Variants in SLC48A1 observed in about 807,000 individuals in gnomAD.
SLC48A1 encodes the protein solute carrier family 48 member 1.
Under a neutral mutation model 14.8 loss-of-function variants are expected in SLC48A1, and 6 were observed. The observed-to-expected ratio is 0.41, with a 90% CI of 0.22 to 0.80. The LOEUF (loss-of-function observed/expected upper bound fraction) is 0.80. Ranked by LOEUF, SLC48A1 falls within the 30% of genes least tolerant of loss-of-function variation. The pLI, the probability that SLC48A1 is intolerant of heterozygous loss-of-function variation, is 0.34. For missense variants in SLC48A1, 165 were observed against 204.8 expected, an observed-to-expected ratio of 0.81 and a Z score of 1.19; for synonymous variants, 89 against 90.0, an observed-to-expected ratio of 0.99 and a Z score of 0.06.
At chr12:47,760,634 G>A (rs540603838) in intron 2 of SLC48A1, among the ~76,000 whole-genome samples, 2 of 152,228 alleles carry the variant, frequency 1.3e-5, no homozygotes, top group Admixed American at 6.5e-5. Flanking sequence ...AATCATGTGC[G>A]GGCACTCTTT....
chr12:47,764,404 C>T (rs1318495923), intron 2 of SLC48A1, among the ~76,000 whole-genome samples: 1 of 152,254 alleles, frequency 6.6e-6, no homozygotes, highest in East Asian at 1.9e-4. Context: ...CATCTTCCAA[C>T]TCATCCCAGG....
At chr12:47,774,975 G>A (rs1942711097) in intron 1 of SLC48A1, among the ~76,000 whole-genome samples, 3 of 152,162 alleles carry the variant, frequency 2.0e-5, no homozygotes, top group South Asian at 2.1e-4. Context: ...ATTGCATTGC[G>A]AAGACCGAAG....
upstream of SLC48A1, among the ~76,000 whole-genome samples, chr12:47,756,765 T>TC (rs1327388877): frequency 6.6e-6 from 1 of 151,962 alleles, no homozygotes; most frequent in Non-Finnish European, 1.5e-5. Context: ...GGTCAAGCGA[T>TC]CAAGACCATC....
intron 2 of SLC48A1, 125 bp from the exon 3 acceptor site, chr12:47,780,020 G>T: frequency 8.3e-7 from 1 of 1,211,866 alleles, no homozygotes; most frequent in Non-Finnish European, 1.1e-6. Flanking sequence ...CTTTCTGAAG[G>T]GTTGGTTCAG....
chr12:47,773,722 C>T (rs1191801591), intron 1 of SLC48A1, among the ~76,000 whole-genome samples: 1 of 152,208 alleles, frequency 6.6e-6, no homozygotes, highest in Non-Finnish European at 1.5e-5. Flanking sequence ...TTATCTGTCA[C>T]GGCACACTGC....
At chr12:47,756,358 G>A (rs914494984), upstream of SLC48A1, 2 of 152,270 alleles carry the variant, frequency 1.3e-5, no homozygotes, top group African/African-American at 2.4e-5. Context: ...TAGCCCAAGA[G>A]GGAAGGAGGG....
At position 47,780,308 on chromosome 12, in the gene SLC48A1, G is replaced by C. The variant is rs778466669; in HGVS notation, c.*27G>C. ...CCAGGGGGTGAGGTCTCTGCACCCT[G>C]GGGGGGCCTTAGGACCTGGACTCAG... On this transcript the variant is annotated 3_prime_UTR_variant, in exon 3 of 3. Transcript: ENST00000442218. 10 of 1,613,266 alleles carry C rather than the reference G, an allele frequency of 6.2e-6. No homozygotes were observed. Among genetic ancestry groups the C allele is most frequent in the African/African-American group, 1.3e-5 (1 of 74,884 alleles).
At chr12:47,778,983 C>T in intron 1 of SLC48A1, 45 bp from the exon 2 acceptor site, 1 of 1,534,692 alleles carries the variant, frequency 6.5e-7, no homozygotes, top group Non-Finnish European at 8.8e-7. Flanking sequence ...ATCTGCAGGG[C>T]TCTGGAGCAC....
At chr12:47,772,848 C>A (rs551909622), upstream of SLC48A1, among the ~76,000 whole-genome samples, 1 of 152,268 alleles carries the variant, frequency 6.6e-6, no homozygotes, top group South Asian at 2.1e-4. Context: ...GGAAGGAATT[C>A]TATTCACAGC....
In SLC48A1 at chr12:47,773,689, A is replaced by T. The variant is rs1242886941; in HGVS notation, c.136+249A>T. Among the ~76,000 whole-genome samples, 22 of 152,110 alleles carry T rather than the reference A, an allele frequency of 1.4e-4. No homozygotes were observed. In the East Asian group the frequency reaches 4.1e-3, roughly 28 times the overall value. ...CCGACGGCCCGCCACTGCCGGCTGC[A>T]CAGACCTGCCGCGCCGCCCGGGTTA... is the stretch of plus-strand genomic sequence containing the variant. On this transcript the variant is annotated intron_variant, in intron 1 of 2. Coordinates refer to ENST00000442218, the MANE Select transcript of SLC48A1 (RefSeq NM_017842.3).
At chr12:47,778,917 A>C in intron 1 of SLC48A1, 111 bp from the exon 2 acceptor site, 1 of 1,242,228 alleles carries the variant, frequency 8.1e-7, no homozygotes, top group African/African-American at 1.5e-5. Flanking sequence ...CTATGAGGGA[A>C]TGAGAGACAA....
chr12:47,761,122 G>C (rs1390290616), intron 2 of SLC48A1, among the ~76,000 whole-genome samples: 1 of 151,878 alleles, frequency 6.6e-6, no homozygotes, highest in Non-Finnish European at 1.5e-5. Flanking sequence ...CTTTCAACCC[G>C]GGAGGCGAAG....
intron 1 of SLC48A1, among the ~76,000 whole-genome samples, chr12:47,773,828 A>G (rs1410085224): frequency 3.3e-5 from 5 of 151,606 alleles, no homozygotes; most frequent in African/African-American, 1.2e-4. Flanking sequence ...ACACACACAC[A>G]CGCACACACA....
rs1375592201 is a variant in SLC48A1, at chr12:47,777,433, A to T, written c.137-1595A>T. 6.6e-6 allele frequency among the ~76,000 whole-genome samples: 1 copy of T among 152,200 alleles called. No individual in the cohort carries two copies. The highest frequency in any genetic ancestry group is 1.5e-5 in the Non-Finnish European group (1 of 68,032). On this transcript the variant is annotated intron_variant, in intron 1 of 2. Transcript: ENST00000442218. This position sits in a 1 kb window ranked among gnomAD's most constrained non-coding sequence, Gnocchi z 4.5. Reference sequence around the variant, plus strand: ...TAGGCCTTCACCCTCACTAGGGTAGAACCCTGGGCCCAGTTACCTAAACTG... The same window carrying T: ...TAGGCCTTCACCCTCACTAGGGTAGTACCCTGGGCCCAGTTACCTAAACTG...
At chr12:47,764,356 T>C (rs1048427680) in intron 2 of SLC48A1, among the ~76,000 whole-genome samples, 9 of 152,202 alleles carry the variant, frequency 5.9e-5, no homozygotes, top group African/African-American at 2.2e-4. Flanking sequence ...TCTTTGCAAC[T>C]TTCCCCACCT....
upstream of SLC48A1, chr12:47,770,733 C>A: frequency 4.5e-6 from 2 of 442,426 alleles, no homozygotes; most frequent in South Asian, 1.6e-5. Flanking sequence ...TCTCCCCCAG[C>A]CCCAAGGGGA....
chr12:47,757,876 C>A (rs372548735), upstream of SLC48A1: 5 of 1,554,816 alleles, frequency 3.2e-6, 1 homozygote, highest in African/African-American at 6.8e-5. Context: ...CCAGCGCAGC[C>A]CCTGGATGCA....
At chr12:47,760,318 C>T in exon 2 of SLC48A1, 1 of 985,432 alleles carries the variant, frequency 1.0e-6, no homozygotes, top group Non-Finnish European at 1.2e-6. Flanking sequence ...AGACCCAAAT[C>T]CATTCAACGG....
rs1209523297 is a variant in SLC48A1 at position 47,782,172 on chromosome 12, TG to T, written c.*1894del. 6.6e-6 allele frequency: 1 copy of T among 152,330 alleles called. No homozygotes were observed. Among genetic ancestry groups the T allele is most frequent in the African/African-American group, 2.4e-5 (1 of 41,464 alleles). The allele number at this position is 152,330 out of a possible 1,614,324, so 9.4% of individuals were successfully genotyped here. On this transcript the variant is annotated 3_prime_UTR_variant, in exon 3 of 3. Transcript: ENST00000442218. Reference sequence around the variant, plus strand: ...CTGGCGCCTTCCTCTCTGCTTAGGCTGGGTGAGCTTGTCCAGGCCTGTGCCT... The same window carrying T: ...CTGGCGCCTTCCTCTCTGCTTAGGCTGGTGAGCTTGTCCAGGCCTGTGCCT...
Sources: gnomAD v4.1 joint callset for allele counts (sites outside exome capture counted in the v4.1 genomes callset) on GRCh38, gnomAD v4.1.1 for gene constraint, Gnocchi (gnomAD v3.1) non-coding constraint, MANE v1.5 for transcripts, NCBI Gene and HGNC (gene_info 2026-07-23, HGNC 2026-07-21) for gene names.